IFT172: variants seen among roughly 807,000 people sequenced by gnomAD.
IFT172 encodes the protein intraflagellar transport protein 172 homolog.
IFT172 carries 164 observed loss-of-function variants against 248.9 expected under a neutral mutation model. The observed-to-expected ratio is 0.66, with a 90% CI of 0.58 to 0.75. The LOEUF (loss-of-function observed/expected upper bound fraction) is 0.75. Among genes scored for constraint, IFT172 ranks in the 30% least tolerant of loss-of-function variants. The pLI, the probability that IFT172 is intolerant of heterozygous loss-of-function variation, is 0.00. For missense variants in IFT172, 1,950 were observed against 2,192.4 expected (o/e 0.89, Z 2.21); for synonymous variants, 729 against 791.6 (o/e 0.92, Z 1.33).
At chr2:27,488,434 G>A (rs529699350) in intron 1 of IFT172, among the ~76,000 whole-genome samples, 15 of 152,238 alleles carry the variant, frequency 9.9e-5, no homozygotes, top group Non-Finnish European at 1.9e-4. Flanking sequence ...GATTACAGGT[G>A]TGAGCCACCG....
At position 27,448,927 on chromosome 2, in the gene IFT172, A is replaced by G; in HGVS notation, c.4416T>C (p.Pro1472=). The change falls in exon 40 of 48, where the codon CCT becomes CCC. Residue 1472 remains proline (P), a synonymous_variant. Transcript: ENST00000260570. ...ALALYVQHGA[P]ANPQNFNIYK... is the part of the protein sequence containing the mutation. ...AGAAGGCTGGTACCTGTGGGTTAGC[A>G]GGGGCTCCGTGCTGTACATACAGGG... is the stretch of plus-strand genomic sequence containing the variant. 1.3e-6 allele frequency: 2 copies of G among 1,567,656 alleles called. No homozygotes were observed. Among genetic ancestry groups the G allele is most frequent in the Non-Finnish European group, 1.8e-6 (2 of 1,137,348 alleles).
chr2:27,463,392 TAAA>T (rs1225012933), intron 18 of IFT172, among the ~76,000 whole-genome samples: 1 of 151,962 alleles, frequency 6.6e-6, no homozygotes, highest in Non-Finnish European at 1.5e-5. Context: ...TTGGAGATAA[TAAA>T]AAATAAAATA....
chr2:27,445,601 CT>C lies in IFT172; in HGVS notation c.4914+143del. ...TTGGATTGGGGGATGCAGTCACAGC[CT>C]TTTCTTTCTATTTTGCTTCTACTTT... On this transcript the variant is annotated intron_variant, in intron 45 of 47. Coordinates refer to ENST00000260570, the MANE Select transcript of IFT172 (RefSeq NM_015662.3). This position sits in a 1 kb window ranked among gnomAD's most constrained non-coding sequence, Gnocchi z 4.4. The C allele has an allele frequency of 7.7e-7, 1 of 1,300,010 alleles. No homozygotes were observed. The highest frequency in any genetic ancestry group is 1.1e-6 in the Non-Finnish European group (1 of 941,970). 80.5% of individuals were successfully genotyped at this position (1,300,010 alleles called of 1,614,324 possible).
chr2:27,465,699 G>C (rs1667036789), intron 17 of IFT172, 47 bp downstream of exon 17: 8 of 1,612,190 alleles, frequency 5.0e-6, no homozygotes, highest in Non-Finnish European at 5.9e-6. Context: ...TCCCCTCTCA[G>C]AACCAGACTC....
Position 27,485,515 on chromosome 2 carries a change from A to G in IFT172, c.40-12T>C, listed in dbSNP as rs1240338839. On this transcript the variant is annotated splice_polypyrimidine_tract_variant and intron_variant, in intron 1 of 47. Transcript: ENST00000260570. ...TTTGCAGCTCCATCCTGTAGAGGCAAAGGGGTAAAAACAAACCCATGTGCT... is the reference window on the plus strand; with the variant it reads ...TTTGCAGCTCCATCCTGTAGAGGCAGAGGGGTAAAAACAAACCCATGTGCT... 3 of 1,613,840 alleles carry G rather than the reference A, an allele frequency of 1.9e-6. No individual in the cohort carries two copies. Among genetic ancestry groups the G allele is most frequent in the African/African-American group, 2.7e-5 (2 of 74,936 alleles).
chr2:27,465,876 C>T lies in IFT172; in HGVS notation c.1699G>A (p.Val567Ile), dbSNP rs1280542878. 3 of 1,613,930 alleles carry T rather than the reference C, an allele frequency of 1.9e-6. No individual in the cohort carries two copies. The South Asian group carries it at 3.3e-5, about 18-fold the overall frequency. The part of the protein sequence containing the change: ...RVTMFTIRGD[V>I]IGLERGGGKT... ...CCCCCGCCCCGCTCCAGACCTATAA[C>T]ATCACCCTGTAAAAGTTTATCCCCC... is the stretch of plus-strand genomic sequence containing the variant. The change falls in exon 17 of 48, where the codon GTT (valine) becomes ATT (isoleucine). Residue 567 changes from valine to isoleucine, a missense_variant. Val to Ile is a conservative substitution (Grantham distance 29, BLOSUM62 3). This residue lies in a region of IFT172 where 1,166 missense variants were observed against 1,254.1 expected (regional missense o/e 0.93). Coordinates refer to ENST00000260570, the MANE Select transcript of IFT172 (RefSeq NM_015662.3).
At chr2:27,473,105 G>A (rs1667695265) in intron 14 of IFT172, among the ~76,000 whole-genome samples, 1 of 151,908 alleles carries the variant, frequency 6.6e-6, no homozygotes, top group African/African-American at 2.4e-5. Context: ...GGTGGCTCAT[G>A]CCTGTAATCT....
At chr2:27,480,224 A>T in intron 8 of IFT172, 75 bp from the exon 9 acceptor site, 1 of 1,516,998 alleles carries the variant, frequency 6.6e-7, no homozygotes. Context: ...TAACCAAAGG[A>T]AATTAGTCTT....
intron 25 of IFT172, 44 bp from the exon 26 acceptor site, chr2:27,458,912 C>T (rs756279545): frequency 3.1e-6 from 5 of 1,601,254 alleles, no homozygotes; most frequent in South Asian, 1.1e-5. Context: ...GAGCAACAGA[C>T]TTAAAGCAGC....
chr2:27,446,376 T>C (rs1665099177), intron 42 of IFT172, 21 bp from the exon 43 acceptor site: 3 of 1,609,996 alleles, frequency 1.9e-6, no homozygotes, highest in African/African-American at 1.3e-5. Context: ...AGTCAAAGCA[T>C]TATGAATATG....
At position 27,461,401 on chromosome 2, in the gene IFT172, G is replaced by A. The variant is rs747166388; in HGVS notation, c.2310C>T (p.Ile770=). The change falls in exon 22 of 48, where the codon ATC becomes ATT. Residue 770 remains isoleucine, a synonymous_variant. Transcript: ENST00000260570. The stretch of plus-strand genomic sequence containing the variant: ...GGAGCCCAGCTTTGAGGTAGAGGCT[G>A]ATGGCTGCTAGCCCATCCCCTTGGC... ...QESQGDGLAA[I]SLYLKAGLPA... 6.2e-7 allele frequency: 1 copy of A among 1,614,208 alleles called. No homozygotes were observed. The highest frequency in any genetic ancestry group is 8.5e-7 in the Non-Finnish European group (1 of 1,180,032).
At chr2:27,452,067 C>T (rs1572730651) in intron 35 of IFT172, among the ~76,000 whole-genome samples, 1 of 118,114 alleles carries the variant, frequency 8.5e-6, no homozygotes, top group African/African-American at 2.6e-5. Flanking sequence ...TTTGGTCAAA[C>T]ATTATTCTGG....
chr2:27,470,704 G>C, intron 16 of IFT172: 1 of 392,456 alleles, frequency 2.5e-6, no homozygotes, highest in Non-Finnish European at 4.5e-6. Context: ...GTGACTTCCC[G>C]GGGCCACTGT....
intron 14 of IFT172, among the ~76,000 whole-genome samples, chr2:27,473,867 G>A (rs1667774275): frequency 6.6e-6 from 1 of 151,134 alleles, no homozygotes; most frequent in Non-Finnish European, 1.5e-5. Flanking sequence ...GAGTGCAGTG[G>A]CACGATCTCG....
chr2:27,445,468 G>T lies in IFT172; in HGVS notation c.4915-19C>A. 1 of 1,604,852 alleles carries T rather than the reference G, an allele frequency of 6.2e-7. No individual in the cohort carries two copies. Among genetic ancestry groups the T allele is most frequent in the South Asian group, 1.1e-5 (1 of 89,766 alleles). ...CAGCCTCCTGGAAAGGACAAGAAGGGAGTGGTAGCTTCACACAGGGCAGGG... is the reference window on the plus strand; with the variant it reads ...CAGCCTCCTGGAAAGGACAAGAAGGTAGTGGTAGCTTCACACAGGGCAGGG... On this transcript the variant is annotated intron_variant, in intron 45 of 47. Transcript: ENST00000260570. This position sits in a 1 kb window ranked among gnomAD's most constrained non-coding sequence, Gnocchi z 4.4.
intron 16 of IFT172, among the ~76,000 whole-genome samples, chr2:27,466,733 C>T (rs770375990): frequency 2.0e-5 from 3 of 151,906 alleles, no homozygotes; most frequent in African/African-American, 4.8e-5. Flanking sequence ...AGTTAAAGGC[C>T]GGGCTCGGTG....
chr2:27,484,329 T>C, intron 3 of IFT172, 63 bp from the exon 4 acceptor site: 2 of 1,572,888 alleles, frequency 1.3e-6, no homozygotes, highest in Non-Finnish European at 1.7e-6. Flanking sequence ...TGGTGGCTCA[T>C]GCCTGTAATC....
Position 27,453,967 on chromosome 2 carries a change from C to T in IFT172, c.3711+15G>A, listed in dbSNP as rs778810233. 7 of 1,604,004 alleles carry T rather than the reference C, an allele frequency of 4.4e-6. No individual in the cohort carries two copies. In the South Asian group the frequency reaches 6.6e-5, roughly 15 times the overall value. On this transcript the variant is annotated intron_variant, in intron 33 of 47. Transcript: ENST00000260570. ...CTCTCCCCCTCCCCTCATGGCCCTG[C>T]ATCCAGTGCCCCACCTTATAATAAT...
rs542911705 is a variant in IFT172 at position 27,466,041 on chromosome 2, T to A, written c.1693-159A>T. On this transcript the variant is annotated intron_variant, in intron 16 of 47. Transcript: ENST00000260570. Reference sequence around the variant, plus strand: ...TTAGTTTCTCTCAAGCATAAAAAAATACTTCATTTATAGCAATATCCTTGG... The same window carrying A: ...TTAGTTTCTCTCAAGCATAAAAAAAAACTTCATTTATAGCAATATCCTTGG... 77 of 795,186 alleles carry A rather than the reference T, an allele frequency of 9.7e-5. No individual in the cohort carries two copies. The African/African-American group carries it at 1.3e-3, about 13-fold the overall frequency. The allele number at this position is 795,186 out of a possible 1,614,324, so 49.3% of individuals were successfully genotyped here.
Sources: gnomAD v4.1 joint callset for allele counts (sites outside exome capture counted in the v4.1 genomes callset) on GRCh38, gnomAD v4.1.1 for gene constraint, gnomAD v4.1.1 regional missense constraint, Gnocchi (gnomAD v3.1) non-coding constraint, MANE v1.5 for transcripts, NCBI Gene and HGNC (gene_info 2026-07-23, HGNC 2026-07-21) for gene names.